Variants in TTC9 observed in about 807,000 individuals in gnomAD.
The protein encoded by TTC9 is tetratricopeptide repeat domain 9.
A neutral mutation model predicts 22.9 loss-of-function variants in TTC9; 13 were observed. The observed-to-expected ratio is 0.57, with a 90% confidence interval of 0.37 to 0.90. The LOEUF (loss-of-function observed/expected upper bound fraction) is 0.90. TTC9 is among the 40% of genes least tolerant of loss of function. The pLI, the probability that TTC9 is intolerant of heterozygous loss-of-function variation, is 0.01. For missense variants in TTC9, 280 were observed against 291.8 expected (o/e 0.96, Z 0.29); for synonymous variants, 148 against 133.2 (o/e 1.11, Z -0.77).
At chr14:70,669,547 C>A (rs1171719955) in intron 2 of TTC9, among the ~76,000 whole-genome samples, 1 of 149,494 alleles carries the variant, frequency 6.7e-6, no homozygotes, top group Non-Finnish European at 1.5e-5. Flanking sequence ...TCCTAAAGTG[C>A]TGGGATTACA....
At chr14:70,653,856 T>C (rs1454808821) in intron 1 of TTC9, among the ~76,000 whole-genome samples, 1 of 152,160 alleles carries the variant, frequency 6.6e-6, no homozygotes. Flanking sequence ...CCAGGGGAGC[T>C]TAACAAGAAA....
intron 1 of TTC9, among the ~76,000 whole-genome samples, chr14:70,647,501 A>AT (rs535226930): frequency 1.8e-4 from 27 of 151,440 alleles, no homozygotes; most frequent in African/African-American, 5.1e-4. Context: ...TTCTGAGAAC[A>AT]TTTTTTTTTG....
At chr14:70,667,505 GAAAC>G in intron 1 of TTC9, 55 bp from the exon 2 acceptor site, 1 of 1,592,394 alleles carries the variant, frequency 6.3e-7, no homozygotes. Context: ...CAACTCAAGG[GAAAC>G]ATGCAGAGCT....
rs1475738806 is a variant in TTC9, at chr14:70,673,248, A to G, written c.*2093A>G. ...ACACAAAGTTAAATATGGGTTAATT[A>G]TGTAAGCAGATGCCCCACCACGGCA... On this transcript the variant is annotated 3_prime_UTR_variant, in exon 3 of 3. Transcript: ENST00000256367. 1 of 152,246 alleles carries G rather than the reference A, an allele frequency of 6.6e-6. No homozygotes were observed. The highest frequency in any genetic ancestry group is 6.5e-5 in the Admixed American group (1 of 15,280). 9.4% of individuals were successfully genotyped at this position (152,246 alleles called of 1,614,324 possible).
rs1886346097 is a variant in TTC9 at position 70,674,811 on chromosome 14, T to TA, written c.*3657dup. The TA allele has an allele frequency of 1.3e-5, 2 of 152,354 alleles. No homozygotes were observed. The highest frequency in any genetic ancestry group is 4.1e-4 in the South Asian group (2 of 4,832). The allele number at this position is 152,354 out of a possible 1,614,324, so 9.4% of individuals were successfully genotyped here. On this transcript the variant is annotated 3_prime_UTR_variant, in exon 3 of 3. Coordinates refer to ENST00000256367, the MANE Select transcript of TTC9 (RefSeq NM_015351.2). ...TCATTGTATGGATGGACCCTTTTTT[T>TA]ATCATCAATCCTCAAATAGTGATTA... is the stretch of plus-strand genomic sequence containing the variant.
chr14:70,667,584 C>A lies in TTC9; in HGVS notation c.427C>A (p.Leu143Met). 2.5e-6 allele frequency: 4 copies of A among 1,614,020 alleles called. No individual in the cohort carries two copies. The highest frequency in any genetic ancestry group is 3.4e-6 in the Non-Finnish European group (4 of 1,179,896). The change falls in exon 2 of 3, where the codon CTG (leucine) becomes ATG (methionine). Residue 143 changes from leucine to methionine, a missense_variant. Physicochemically the swap from Leu to Met is conservative, Grantham distance 15 (BLOSUM62 2). Around this residue, in one of 5 missense-constraint regions of TTC9, gnomAD observed 165 missense variants for 145.4 expected, o/e 1.14. Transcript: ENST00000256367. ...SLAACLLQAE[L>M]VNYERVKEYC... The stretch of plus-strand genomic sequence containing the variant: ...CATAGCCTGCCTGCTCCAGGCTGAG[C>A]TGGTAAACTATGAACGAGTCAAGGA...
intron 1 of TTC9, among the ~76,000 whole-genome samples, chr14:70,658,730 T>C (rs1886100073): frequency 6.6e-6 from 1 of 152,224 alleles, no homozygotes; most frequent in South Asian, 2.1e-4. Flanking sequence ...TGAGCTCTTA[T>C]CTTAGAGAAA....
chr14:70,646,532 G>A (rs2139638549), intron 1 of TTC9, among the ~76,000 whole-genome samples: 1 of 152,240 alleles, frequency 6.6e-6, no homozygotes, highest in African/African-American at 2.4e-5. Context: ...TAACTTTGTT[G>A]GTATTTTCAA....
chr14:70,646,350 A>G (rs2139638418), intron 1 of TTC9, among the ~76,000 whole-genome samples: 2 of 152,314 alleles, frequency 1.3e-5, no homozygotes, highest in Non-Finnish European at 2.9e-5. Context: ...GGAAGCATGT[A>G]TTGGCCTGTT....
intron 1 of TTC9, among the ~76,000 whole-genome samples, chr14:70,643,693 G>A (rs1885862097): frequency 6.6e-6 from 1 of 151,638 alleles, no homozygotes; most frequent in Admixed American, 6.5e-5. Context: ...AATAAATACT[G>A]GCAATTCTGC....
intron 1 of TTC9, among the ~76,000 whole-genome samples, chr14:70,659,749 T>A (rs1886119212): frequency 6.6e-6 from 1 of 152,130 alleles, no homozygotes; most frequent in Non-Finnish European, 1.5e-5. Context: ...ATATGTCTAA[T>A]GAAGGAATTG....
intron 1 of TTC9, among the ~76,000 whole-genome samples, chr14:70,663,772 G>T (rs1023784894): frequency 6.6e-6 from 1 of 152,190 alleles, no homozygotes; most frequent in African/African-American, 2.4e-5. Context: ...CAGCAGTTAG[G>T]CATCAATTTT....
chr14:70,646,372 C>G (rs1885901468), intron 1 of TTC9, among the ~76,000 whole-genome samples: 1 of 152,190 alleles, frequency 6.6e-6, no homozygotes, highest in Non-Finnish European at 1.5e-5. Flanking sequence ...ATGGACTCTT[C>G]TTGACATTGA....
chr14:70,652,379 A>G (rs1417494592), intron 1 of TTC9, among the ~76,000 whole-genome samples: 1 of 152,192 alleles, frequency 6.6e-6, no homozygotes, highest in African/African-American at 2.4e-5. Context: ...TGGATTTCTG[A>G]GAGAAAATGA....
At chr14:70,643,200 C>T (rs1170123000) in intron 1 of TTC9, among the ~76,000 whole-genome samples, 1 of 152,166 alleles carries the variant, frequency 6.6e-6, no homozygotes, top group East Asian at 1.9e-4. Flanking sequence ...GCTGCATTCT[C>T]CCTCTCCTCC....
At position 70,664,524 on chromosome 14, in the gene TTC9, G is replaced by A. The variant is rs915837209; in HGVS notation, c.407-3040G>A. On this transcript the variant is annotated intron_variant, in intron 1 of 2. Coordinates refer to ENST00000256367, the MANE Select transcript of TTC9 (RefSeq NM_015351.2). Reference sequence around the variant, plus strand: ...GCAGATCACCAGAGGTCAGGAGTTCGAGACCAGCCTGACCAATATGGTGAA... The same window carrying A: ...GCAGATCACCAGAGGTCAGGAGTTCAAGACCAGCCTGACCAATATGGTGAA... Among the ~76,000 whole-genome samples the A allele has an allele frequency of 3.3e-5, 5 of 152,098 alleles. No homozygotes were observed. In the East Asian group the frequency reaches 9.7e-4, roughly 29 times the overall value.
chr14:70,647,717 T>TG (rs2139639348), intron 1 of TTC9, among the ~76,000 whole-genome samples: 1 of 152,372 alleles, frequency 6.6e-6, no homozygotes, highest in Admixed American at 6.5e-5. Flanking sequence ...CCTCTGTCCC[T>TG]GCTCATGCTG....
chr14:70,664,604 T>C (rs983797585), intron 1 of TTC9, among the ~76,000 whole-genome samples: 3 of 151,912 alleles, frequency 2.0e-5, no homozygotes, highest in African/African-American at 7.3e-5. Flanking sequence ...CGGGCATCTG[T>C]AGTAGTCCCA....
At chr14:70,669,289 T>C (rs1252057878) in intron 2 of TTC9, among the ~76,000 whole-genome samples, 1 of 151,878 alleles carries the variant, frequency 6.6e-6, no homozygotes, top group Non-Finnish European at 1.5e-5. Flanking sequence ...TTAATAATTT[T>C]TCTTTTTTCA....
Sources: gnomAD v4.1 joint callset for allele counts (sites outside exome capture counted in the v4.1 genomes callset) on GRCh38, gnomAD v4.1.1 for gene constraint, gnomAD v4.1.1 regional missense constraint, MANE v1.5 for transcripts, NCBI Gene and HGNC (gene_info 2026-07-23, HGNC 2026-07-21) for gene names.